SLC23A3: variants seen among roughly 807,000 people sequenced by gnomAD.
SLC23A3 encodes E2-binding protein 3.
In SLC23A3, 41 loss-of-function variants were observed where a neutral mutation model predicts 64.7. The observed-to-expected ratio is 0.63, with a 90% CI of 0.49 to 0.82. SLC23A3 has a LOEUF of 0.82. Among genes scored for constraint, SLC23A3 ranks in the 40% least tolerant of loss-of-function variants. The pLI is 0.00. For synonymous variants in SLC23A3, 281 were observed against 306.8 expected, an observed-to-expected ratio of 0.92 and a Z score of 0.88; for missense variants, 647 against 733.4, an observed-to-expected ratio of 0.88 and a Z score of 1.36.
chr2:219,162,546 CTCCACTT>C (rs1375564386), intron 10 of SLC23A3, 152 bp from the exon 11 acceptor site: 1 of 642,250 alleles, frequency 1.6e-6, no homozygotes, highest in Non-Finnish European at 2.7e-6. Flanking sequence ...TCTTTCTACT[CTCCACTT>C]TCCAAATCCA....
rs1949981383 is a variant in SLC23A3 at position 219,164,247 on chromosome 2, G to A, written c.1259C>T (p.Pro420Leu). 6.2e-7 allele frequency: 1 copy of A among 1,607,542 alleles called. No individual in the cohort carries two copies. Among genetic ancestry groups the A allele is most frequent in the African/African-American group, 1.3e-5 (1 of 74,844 alleles). ...CATCCACTCACCAACAACAGGCAGT[G>A]GGATGGTGGTGAGGAGCTGAGCCAA... ...PRLAQLLTTI[P>L]LPVVGGVLGV... The change falls in exon 9 of 12, where the codon CCA (proline) becomes CTA (leucine). Residue 420 changes from proline (P) to leucine (L), a missense_variant. Coordinates refer to ENST00000409878, the MANE Select transcript of SLC23A3 (RefSeq NM_001144889.2).
At position 219,165,040 on chromosome 2, in the gene SLC23A3, G is replaced by C. The variant is rs115760172; in HGVS notation, c.1167+129C>G. The C allele has an allele frequency of 2.2e-3, 2,807 of 1,261,068 alleles. 56 individuals carry two copies. In the African/African-American group the frequency reaches 0.038, roughly 17 times the overall value. 78.1% of individuals were successfully genotyped at this position (1,261,068 alleles called of 1,614,324 possible). ...TCTCTTAGCCCAAAGTCTAATCTTA[G>C]GCACCTCCCCAAGTAAGATAGTTGA... On this transcript the variant is annotated intron_variant, in intron 8 of 11. Coordinates refer to ENST00000409878, the MANE Select transcript of SLC23A3 (RefSeq NM_001144889.2).
At chr2:219,163,639 G>T in intron 9 of SLC23A3, 84 bp from the exon 10 acceptor site, 1 of 1,250,412 alleles carries the variant, frequency 8.0e-7, no homozygotes, top group Non-Finnish European at 1.1e-6. Flanking sequence ...CAAGCAGGTT[G>T]TAATGGGAAA....
intron 5 of SLC23A3, 84 bp downstream of exon 5, chr2:219,168,568 G>C (rs1300236838): frequency 7.3e-7 from 1 of 1,365,408 alleles, no homozygotes; most frequent in African/African-American, 1.5e-5. Context: ...TGCTGAATCT[G>C]ATAGGACCAG....
chr2:219,170,007 C>T lies in SLC23A3; in HGVS notation c.-23G>A. 3 of 1,611,806 alleles carry T rather than the reference C, an allele frequency of 1.9e-6. No individual in the cohort carries two copies. The highest frequency in any genetic ancestry group is 2.5e-6 in the Non-Finnish European group (3 of 1,179,248). On this transcript the variant is annotated 5_prime_UTR_variant, in exon 1 of 12. Coordinates refer to ENST00000409878, the MANE Select transcript of SLC23A3 (RefSeq NM_001144889.2). The stretch of plus-strand genomic sequence containing the variant: ...CATGCTGCCTTGCCTTTCGCTTTGT[C>T]TTGGCTGCCCGGGACCAGAGTTAAG...
At chr2:219,165,080 C>A in intron 8 of SLC23A3, 89 bp downstream of exon 8, 1 of 1,450,502 alleles carries the variant, frequency 6.9e-7, no homozygotes, top group Non-Finnish European at 9.3e-7. Context: ...AGGTGCTAGG[C>A]ACACCTGGCA....
At chr2:219,162,627 A>G (rs896177769) in intron 10 of SLC23A3, among the ~76,000 whole-genome samples, 2 of 152,122 alleles carry the variant, frequency 1.3e-5, no homozygotes, top group Admixed American at 6.5e-5. Flanking sequence ...CCCTCCATAT[A>G]TGCTTTGACT....
chr2:219,164,239 C>T lies in SLC23A3; in HGVS notation c.1267G>A (p.Val423Ile), dbSNP rs1444212782. The change falls in exon 9 of 12, where the codon GTT becomes ATT. Residue 423 changes from valine (V) to isoleucine (I), a missense_variant. Val to Ile is a conservative substitution (Grantham distance 29, BLOSUM62 3). Transcript: ENST00000409878. The part of the protein sequence containing the change: ...AQLLTTIPLP[V>I]VGGVLGVTQA... ...TGTTGATACATCCACTCACCAACAA[C>T]AGGCAGTGGGATGGTGGTGAGGAGC... 2 of 1,605,974 alleles carry T rather than the reference C, an allele frequency of 1.2e-6. No individual in the cohort carries two copies. Among genetic ancestry groups the T allele is most frequent in the African/African-American group, 1.3e-5 (1 of 74,814 alleles).
chr2:219,164,112 A>G, intron 9 of SLC23A3, 121 bp downstream of exon 9: 1 of 671,412 alleles, frequency 1.5e-6, no homozygotes. Flanking sequence ...CCATCCATCC[A>G]TCCATCCACC....
chr2:219,163,840 T>TA (rs1286965138), intron 9 of SLC23A3, among the ~76,000 whole-genome samples: 1 of 152,132 alleles, frequency 6.6e-6, no homozygotes, highest in African/African-American at 2.4e-5. Context: ...TAGCTGGGAT[T>TA]ACAGGCATGT....
In SLC23A3 at chr2:219,163,569, A is replaced by T; in HGVS notation, c.1274-14T>A. The stretch of plus-strand genomic sequence containing the variant: ...CCAGCACCCCACCTGTCTCATACAG[A>T]AGAAATCAAGGGGGTCAGGAGGAGT... On this transcript the variant is annotated splice_polypyrimidine_tract_variant and intron_variant, in intron 9 of 11. Coordinates refer to ENST00000409878, the MANE Select transcript of SLC23A3 (RefSeq NM_001144889.2). 2 of 1,613,938 alleles carry T rather than the reference A, an allele frequency of 1.2e-6. No individual in the cohort carries two copies. Among genetic ancestry groups the T allele is most frequent in the Non-Finnish European group, 1.7e-6 (2 of 1,179,934 alleles).
rs889520564 is a variant in SLC23A3 at position 219,165,327 on chromosome 2, G to C, written c.1009C>G (p.Leu337Val). 1.3e-6 allele frequency: 2 copies of C among 1,551,590 alleles called. No individual in the cohort carries two copies. Among genetic ancestry groups the C allele is most frequent in the Non-Finnish European group, 1.7e-6 (2 of 1,146,954 alleles). The part of the protein sequence containing the change: ...ASTSSLGCYA[L>V]CGRLLHLPPP... Reference sequence around the variant, plus strand: ...GGCAAATGCAGCAGCCGGCCACACAGGGCATAGCAGCCCAGGGAACTGGTG... The same window carrying C: ...GGCAAATGCAGCAGCCGGCCACACACGGCATAGCAGCCCAGGGAACTGGTG... Residue 337 changes from leucine to valine, a missense_variant, in exon 8 of 12, where the codon CTG (leucine) becomes GTG (valine). Physicochemically the swap from Leu to Val is conservative, Grantham distance 32. Transcript: ENST00000409878.
Position 219,165,256 on chromosome 2 carries a change from C to G in SLC23A3, c.1080G>C (p.Gly360=), listed in dbSNP as rs1360277420. The G allele has an allele frequency of 1.3e-6, 2 of 1,551,572 alleles. No homozygotes were observed. Among genetic ancestry groups the G allele is most frequent in the Non-Finnish European group, 1.7e-6 (2 of 1,147,030 alleles). Residue 360 remains glycine (G), a synonymous_variant, in exon 8 of 12, where the codon GGG becomes GGC. Coordinates refer to ENST00000409878, the MANE Select transcript of SLC23A3 (RefSeq NM_001144889.2). The part of the protein sequence containing the change: ...HACSRGLSLE[G]LGSVLAGLLG... The stretch of plus-strand genomic sequence containing the variant: ...GCAGCCCGGCCAGCACACTGCCCAG[C>G]CCCTCCAGGCTCAGCCCTCGACTGC...
chr2:219,164,089 T>C, intron 9 of SLC23A3, 144 bp downstream of exon 9: 2 of 628,062 alleles, frequency 3.2e-6, no homozygotes, highest in Non-Finnish European at 5.7e-6. Context: ...GGCTGACACA[T>C]GCTCATATCC....
chr2:219,165,876 G>A (rs1414872013), intron 7 of SLC23A3, among the ~76,000 whole-genome samples: 1 of 152,232 alleles, frequency 6.6e-6, no homozygotes, highest in Non-Finnish European at 1.5e-5. Flanking sequence ...GCTCACGCCT[G>A]TAATCCCAGC....
Position 219,162,110 on chromosome 2 carries a change from A to G in SLC23A3, c.1632T>C (p.Ala544=). 2 of 1,614,172 alleles carry G rather than the reference A, an allele frequency of 1.2e-6. No homozygotes were observed. Among genetic ancestry groups the G allele is most frequent in the Non-Finnish European group, 1.7e-6 (2 of 1,180,026 alleles). ...TGGGGAAAGGAAGTCTGTACACTTG[A>G]GCAGCCTTCTCCCTGGGCTTCTGAG... ...RMPQKPREKA[A]QVYRLPFPIQ... Residue 544 remains alanine, a synonymous_variant, in exon 12 of 12, where the codon GCT becomes GCC. Coordinates refer to ENST00000409878, the MANE Select transcript of SLC23A3 (RefSeq NM_001144889.2).
At chr2:219,164,818 C>T (rs1949988646) in intron 8 of SLC23A3, 2 of 301,224 alleles carry the variant, frequency 6.6e-6, no homozygotes, top group East Asian at 9.2e-5. Flanking sequence ...CTCAGCCTCC[C>T]CACGTGCTAG....
intron 10 of SLC23A3, 32 bp downstream of exon 10, chr2:219,163,356 C>T (rs1949968706): frequency 1.2e-6 from 2 of 1,603,118 alleles, no homozygotes; most frequent in East Asian, 4.5e-5. Flanking sequence ...TGCTTTCCTG[C>T]TACTGAGCAA....
In SLC23A3 at chr2:219,164,324, T is replaced by G; in HGVS notation, c.1182A>C (p.Gln394His). The change falls in exon 9 of 12, where the codon CAA becomes CAC. Residue 394 changes from glutamine to histidine, a missense_variant. Transcript: ENST00000409878. ...AGAGTAGCCCCACTAAGTGAGCCAC[T>G]TGCTGAGATCCAGCCTGCATGAAGA... The part of the protein sequence containing the change: ...KVGLIQAGSQ[Q>H]VAHLVGLLCV... 6.2e-7 allele frequency: 1 copy of G among 1,600,112 alleles called. No homozygotes were observed. Among genetic ancestry groups the G allele is most frequent in the Non-Finnish European group, 8.5e-7 (1 of 1,173,430 alleles).
Sources: gnomAD v4.1 joint callset for allele counts (sites outside exome capture counted in the v4.1 genomes callset) on GRCh38, gnomAD v4.1.1 for gene constraint, MANE v1.5 for transcripts, NCBI Gene and HGNC (gene_info 2026-07-23, HGNC 2026-07-21) for gene names.